Variants in DOCK3 observed in about 807,000 individuals in gnomAD.
DOCK3 encodes the protein dedicator of cytokinesis 3, also known as dedicator of cytokinesis protein 3.
DOCK3 carries 60 observed loss-of-function variants against 265.6 expected under a neutral mutation model. The observed-to-expected ratio is 0.23, with a 90% CI of 0.18 to 0.28. The LOEUF is 0.28. DOCK3 is among the 10% of genes least tolerant of loss of function. DOCK3 has a pLI of 1.00. For synonymous variants in DOCK3, 881 were observed against 938.0 expected, an observed-to-expected ratio of 0.94 and a Z score of 1.11; for missense variants, 1,981 against 2,594.3, an observed-to-expected ratio of 0.76 and a Z score of 5.14.
At chr3:51,253,184 T>G (rs1421228577) in intron 22 of DOCK3, among the ~76,000 whole-genome samples, 1 of 152,248 alleles carries the variant, frequency 6.6e-6, no homozygotes, top group Non-Finnish European at 1.5e-5. Flanking sequence ...TTGCATATGT[T>G]GAACCAGCCT....
intron 2 of DOCK3, among the ~76,000 whole-genome samples, chr3:50,794,884 A>G (rs1217847404): frequency 5.3e-5 from 8 of 152,124 alleles, no homozygotes; most frequent in African/African-American, 1.9e-4. Context: ...TCCTTTCCAT[A>G]TTTAGTGCTT....
chr3:50,927,593 G>A (rs1388427376), intron 4 of DOCK3, among the ~76,000 whole-genome samples: 2 of 152,072 alleles, frequency 1.3e-5, no homozygotes. Context: ...AGTACTACAT[G>A]GGAAATTTTA....
intron 22 of DOCK3, among the ~76,000 whole-genome samples, chr3:51,255,460 GT>G (rs2079495828): frequency 3.9e-5 from 6 of 152,182 alleles, no homozygotes; most frequent in African/African-American, 1.2e-4. Context: ...CCTAAAGAGT[GT>G]TTTCCAACTT....
chr3:50,787,352 A>G (rs1437549601), intron 2 of DOCK3: 1 of 402,128 alleles, frequency 2.5e-6, no homozygotes, highest in East Asian at 5.9e-5. Flanking sequence ...CCTGATCAAC[A>G]TGTAGAAACC....
intron 3 of DOCK3, among the ~76,000 whole-genome samples, chr3:50,876,413 A>C (rs1011162345): frequency 2.0e-5 from 3 of 152,106 alleles, no homozygotes; most frequent in African/African-American, 7.2e-5. Flanking sequence ...TTAAGGTTTA[A>C]AATATTTAGT....
intron 7 of DOCK3, among the ~76,000 whole-genome samples, chr3:51,085,466 G>A (rs1315581306): frequency 1.3e-5 from 2 of 152,124 alleles, no homozygotes; most frequent in African/African-American, 4.8e-5. Flanking sequence ...ATCATGTCAA[G>A]TATCTTCTCA....
chr3:51,305,727 TGTGTGCGC>T (rs1195024611), intron 27 of DOCK3, among the ~76,000 whole-genome samples: 28 of 44,714 alleles, frequency 6.3e-4, no homozygotes, highest in African/African-American at 2.6e-3. Flanking sequence ...TGTGTGTGTG[TGTGTGCGC>T]GTGTGTGTGT....
At chr3:51,058,664 T>A (rs967699671) in intron 5 of DOCK3, among the ~76,000 whole-genome samples, 15 of 152,172 alleles carry the variant, frequency 9.9e-5, no homozygotes, top group African/African-American at 3.6e-4. Flanking sequence ...ACAACAGAAG[T>A]TTATTTATCA....
chr3:51,093,967 C>T (rs1182824926), intron 9 of DOCK3, among the ~76,000 whole-genome samples: 2 of 152,124 alleles, frequency 1.3e-5, no homozygotes, highest in East Asian at 1.9e-4. Flanking sequence ...TGATGGATTA[C>T]GTTTATTGAT....
intron 5 of DOCK3, among the ~76,000 whole-genome samples, chr3:50,993,917 C>T (rs1037247988): frequency 1.3e-5 from 2 of 152,142 alleles, no homozygotes; most frequent in African/African-American, 4.8e-5. Flanking sequence ...GTGCTGCCTC[C>T]CAACCACAGG....
intron 2 of DOCK3, among the ~76,000 whole-genome samples, chr3:50,825,825 C>A (rs185088913): frequency 6.6e-6 from 1 of 152,158 alleles, no homozygotes; most frequent in Non-Finnish European, 1.5e-5. Context: ...ACCCTTACAA[C>A]CCCTTGTTAT....
chr3:50,820,438 C>T (rs2044342674), intron 2 of DOCK3, among the ~76,000 whole-genome samples: 1 of 152,190 alleles, frequency 6.6e-6, no homozygotes, highest in Non-Finnish European at 1.5e-5. Flanking sequence ...GTTTTCTGTT[C>T]CTGTGTTAAT....
chr3:50,900,701 T>C (rs1197216939), intron 4 of DOCK3: 1 of 451,792 alleles, frequency 2.2e-6, no homozygotes, highest in South Asian at 1.6e-5. Context: ...TATTCCTTTC[T>C]GTTTGTTAGT....
chr3:51,120,487 A>G (rs2083960579), intron 9 of DOCK3, among the ~76,000 whole-genome samples: 1 of 152,196 alleles, frequency 6.6e-6, no homozygotes, highest in South Asian at 2.1e-4. Context: ...AGCAGAGCTC[A>G]AGCACCGTGC....
intron 9 of DOCK3, among the ~76,000 whole-genome samples, chr3:51,106,362 G>A (rs1248044172): frequency 1.3e-5 from 2 of 152,184 alleles, no homozygotes; most frequent in Non-Finnish European, 2.9e-5. Context: ...AGCCCCCACT[G>A]ACAGGCTGCA....
intron 4 of DOCK3, chr3:50,901,715 C>T (rs1047863356): frequency 2.4e-5 from 11 of 453,550 alleles, no homozygotes; most frequent in Admixed American, 1.6e-4. Flanking sequence ...CTACCCTTGG[C>T]TAGGGGAGGG....
Position 51,349,250 on chromosome 3 carries a change from T to C in DOCK3, c.4002+312T>C, listed in dbSNP as rs981084755. Among the ~76,000 whole-genome samples, 3 of 152,226 alleles carry C rather than the reference T, an allele frequency of 2.0e-5. No homozygotes were observed. The East Asian group carries it at 5.8e-4, about 29-fold the overall frequency. On this transcript the variant is annotated intron_variant, in intron 39 of 52. Transcript: ENST00000266037. ...CAGAGAAGCTTTTCCTGGAATGGTT[T>C]TGTTTATGGATGCTTCATCCAAAAT...
intron 5 of DOCK3, among the ~76,000 whole-genome samples, chr3:50,963,220 CT>C (rs1223725424): frequency 2.0e-5 from 3 of 152,172 alleles, no homozygotes; most frequent in Non-Finnish European, 4.4e-5. Context: ...GCTGAATCTT[CT>C]TGCAAAACAT....
intron 37 of DOCK3, among the ~76,000 whole-genome samples, chr3:51,340,669 G>A (rs956461915): frequency 2.6e-5 from 4 of 152,224 alleles, no homozygotes; most frequent in African/African-American, 2.4e-5. Context: ...CCCCTGAGCC[G>A]TGGCTGTGAT....
Sources: allele counts gnomAD v4.1 joint callset (sites outside exome capture counted in the v4.1 genomes callset), GRCh38; gene constraint gnomAD v4.1.1; transcripts MANE v1.5; gene names NCBI Gene and HGNC (gene_info 2026-07-23, HGNC 2026-07-21).